Variants in CFAP96 observed in about 807,000 individuals in gnomAD.
The protein encoded by CFAP96 is cilia and flagella associated protein 96.
chr4:185,436,040 T>C, the CFAP96 span: 1 of 1,516,416 alleles, frequency 6.6e-7, no homozygotes, highest in South Asian at 1.3e-5. Context: ...AAAAATTGTA[T>C]TTAAGATGTG....
At chr4:185,409,437 G>A in the CFAP96 span, among the ~76,000 whole-genome samples, 1 of 152,056 alleles carries the variant, frequency 6.6e-6, no homozygotes, top group Non-Finnish European at 1.5e-5. Flanking sequence ...TGATCCTCCT[G>A]CCTCAGCCTC....
the CFAP96 span, chr4:185,445,592 T>C: frequency 2.6e-6 from 3 of 1,156,878 alleles, no homozygotes; most frequent in Non-Finnish European, 3.8e-6. Context: ...AACATAACTA[T>C]AATGCTTTGA....
chr4:185,422,553 T>C, the CFAP96 span: 1 of 1,606,508 alleles, frequency 6.2e-7, no homozygotes, highest in Non-Finnish European at 8.5e-7. Context: ...ATCCATACTT[T>C]CTGAAATCAC....
the CFAP96 span, among the ~76,000 whole-genome samples, chr4:185,411,938 A>G: frequency 1.3e-5 from 2 of 152,254 alleles, no homozygotes; most frequent in South Asian, 2.1e-4. Context: ...GCTGAGATTG[A>G]TATGTAACAT....
the CFAP96 span, among the ~76,000 whole-genome samples, chr4:185,412,064 G>A: frequency 1.3e-5 from 2 of 151,102 alleles, no homozygotes; most frequent in Middle Eastern, 3.8e-3. Flanking sequence ...AGCACAGACT[G>A]GTAAAGTTTT....
At chr4:185,443,340 A>ATT in the CFAP96 span, among the ~76,000 whole-genome samples, 11 of 28,484 alleles carry the variant, frequency 3.9e-4, no homozygotes, top group East Asian at 1.2e-3. Flanking sequence ...ATATATATAT[A>ATT]TATTTTTTTT....
the CFAP96 span, among the ~76,000 whole-genome samples, chr4:185,421,563 C>A: frequency 6.6e-6 from 1 of 152,144 alleles, no homozygotes; most frequent in African/African-American, 2.4e-5. Context: ...TACACTGCCC[C>A]CTCCTTTGCC....
the CFAP96 span, among the ~76,000 whole-genome samples, chr4:185,428,082 G>C: frequency 4.9e-5 from 3 of 60,722 alleles, no homozygotes; most frequent in African/African-American, 1.6e-4. Flanking sequence ...GCGAAACTCT[G>C]TCTCAAAAAA....
the CFAP96 span, among the ~76,000 whole-genome samples, chr4:185,414,927 C>T: frequency 2.0e-5 from 3 of 152,078 alleles, no homozygotes; most frequent in African/African-American, 4.8e-5. Context: ...CCACACCGAG[C>T]ATTTAAAATT....
the CFAP96 span, chr4:185,415,777 G>C: frequency 2.5e-6 from 4 of 1,613,624 alleles, no homozygotes; most frequent in Non-Finnish European, 3.4e-6. Flanking sequence ...TTAACATAAT[G>C]GTGTCCTCCG....
chr4:185,438,301 AT>A, the CFAP96 span, among the ~76,000 whole-genome samples: 1 of 151,994 alleles, frequency 6.6e-6, no homozygotes, highest in Non-Finnish European at 1.5e-5. Context: ...TATGTATTTC[AT>A]TTTGGTTAGT....
the CFAP96 span, among the ~76,000 whole-genome samples, chr4:185,442,385 A>G: frequency 2.0e-5 from 3 of 152,040 alleles, no homozygotes; most frequent in East Asian, 5.8e-4. Context: ...AGGTTATATT[A>G]TATCTTATAT....
the CFAP96 span, among the ~76,000 whole-genome samples, chr4:185,410,025 T>C: frequency 6.6e-6 from 1 of 152,200 alleles, no homozygotes; most frequent in East Asian, 1.9e-4. Context: ...TTTTTGTAGT[T>C]TTAAGCCATC....
At chr4:185,436,712 A>T in the CFAP96 span, among the ~76,000 whole-genome samples, 1 of 144,130 alleles carries the variant, frequency 6.9e-6, no homozygotes, top group Non-Finnish European at 1.5e-5. Context: ...TCCGTCTCAA[A>T]AATAATAATA....
At chr4:185,432,788 A>G in the CFAP96 span, among the ~76,000 whole-genome samples, 3 of 151,786 alleles carry the variant, frequency 2.0e-5, no homozygotes, top group Non-Finnish European at 4.4e-5. Context: ...CCTTGAGCCC[A>G]GGAGTTTGAG....
the CFAP96 span, among the ~76,000 whole-genome samples, chr4:185,413,411 C>T: frequency 2.0e-5 from 3 of 151,958 alleles, no homozygotes; most frequent in Non-Finnish European, 2.9e-5. Context: ...AAGATTTATC[C>T]TACAGTGTGG....
the CFAP96 span, among the ~76,000 whole-genome samples, chr4:185,410,957 AAAAG>A: frequency 4.8e-4 from 72 of 151,252 alleles, no homozygotes; most frequent in African/African-American, 1.4e-3. Flanking sequence ...AAAAAAAAAA[AAAAG>A]AAAGAAAGAA....
the CFAP96 span, among the ~76,000 whole-genome samples, chr4:185,410,188 T>A: frequency 4.6e-5 from 7 of 151,922 alleles, no homozygotes; most frequent in Non-Finnish European, 1.0e-4. Flanking sequence ...AATTCTGACA[T>A]ATTTGGACAT....
the CFAP96 span, chr4:185,445,525 C>CTT: frequency 6.3e-7 from 1 of 1,577,894 alleles, no homozygotes; most frequent in Non-Finnish European, 8.7e-7. Context: ...AGAGTTCTGT[C>CTT]TTTAACTTTG....
Sources: gnomAD v4.1 joint callset for allele counts (sites outside exome capture counted in the v4.1 genomes callset) on GRCh38, gnomAD v4.1.1 for gene constraint, MANE v1.5 for transcripts, NCBI Gene and HGNC (gene_info 2026-07-23, HGNC 2026-07-21) for gene names.